CYP26C1: variants seen among roughly 807,000 people sequenced by gnomAD.
The protein encoded by CYP26C1 is cytochrome P450 family 26 subfamily C member 1.
CYP26C1 carries 41 observed loss-of-function variants against 39.1 expected under a neutral mutation model. The observed-to-expected ratio is 1.05, with a 90% confidence interval of 0.82 to 1.36. CYP26C1 has a LOEUF of 1.36. Among genes scored for constraint, CYP26C1 ranks in the 40% most tolerant of loss-of-function variants. The pLI is 0.00. For synonymous variants in CYP26C1, 362 were observed against 350.8 expected, an observed-to-expected ratio of 1.03 and a Z score of -0.36; for missense variants, 833 against 752.0, an observed-to-expected ratio of 1.11 and a Z score of -1.26.
rs761068228 is a variant in CYP26C1, at chr10:93,061,307, C to A, written c.44C>A (p.Ala15Glu). Residue 15 changes from alanine to glutamate, a missense_variant, in exon 1 of 6, where the codon GCG (alanine) becomes GAG (glutamate). Coordinates refer to ENST00000651965, the MANE Select transcript of CYP26C1 (RefSeq NM_183374.3). Reference sequence around the variant, plus strand: ...AGCTGCCTGTCAGTGCTGGGGGCGGCGGGCACTGCTCTCCTGTGCGCGGGC... The same window carrying A: ...AGCTGCCTGTCAGTGCTGGGGGCGGAGGGCACTGCTCTCCTGTGCGCGGGC... Reference protein sequence around the residue: ...GLSCLSVLGAAGTALLCAGLL... With the variant: ...GLSCLSVLGAEGTALLCAGLL... 2 of 1,596,012 alleles carry A rather than the reference C, an allele frequency of 1.3e-6. No individual in the cohort carries two copies. The highest frequency in any genetic ancestry group is 1.7e-6 in the Non-Finnish European group (2 of 1,172,584).
chr10:93,063,648 G>C, intron 3 of CYP26C1: 1 of 985,502 alleles, frequency 1.0e-6, no homozygotes, highest in Non-Finnish European at 1.2e-6. Flanking sequence ...AAAATAATAT[G>C]TGTAAAGGAT....
At chr10:93,064,647 G>A in intron 4 of CYP26C1, 111 bp downstream of exon 4, 1 of 1,500,686 alleles carries the variant, frequency 6.7e-7, no homozygotes, top group Non-Finnish European at 8.9e-7. Context: ...TTGAGGCACA[G>A]GCAGTCCTCA....
chr10:93,062,672 C>T, intron 2 of CYP26C1, 48 bp from the exon 3 acceptor site: 1 of 1,366,318 alleles, frequency 7.3e-7, no homozygotes. Flanking sequence ...AATCGCCAAG[C>T]AGATGAGGCC....
rs1846798249 is a variant in CYP26C1 at position 93,064,517 on chromosome 10, C to T, written c.842C>T (p.Pro281Leu). 1.9e-6 allele frequency: 3 copies of T among 1,612,728 alleles called. No homozygotes were observed. The highest frequency in any genetic ancestry group is 2.5e-6 in the Non-Finnish European group (3 of 1,179,028). The change falls in exon 4 of 6, where the codon CCC becomes CTC. Residue 281 changes from proline (P) to leucine (L), a missense_variant. Pro to Leu is a moderately conservative substitution (Grantham distance 98). Transcript: ENST00000651965. ...AGTGCAAGGGAGCTGGGCCATGAGC[C>T]CTCCATGCAGGAGCTGAAGGTAGGT... is the stretch of plus-strand genomic sequence containing the variant. ...IHSARELGHE[P>L]SMQELKESAV...
intron 3 of CYP26C1, chr10:93,063,710 C>G (rs940329310): frequency 2.2e-4 from 218 of 982,794 alleles, no homozygotes; most frequent in Non-Finnish European, 2.6e-4. Context: ...ATCCTCGCAG[C>G]CTGCAAAGTG....
intron 4 of CYP26C1, 33 bp from the exon 5 acceptor site, chr10:93,065,923 C>G (rs780687300): frequency 2.0e-6 from 3 of 1,513,982 alleles, no homozygotes; most frequent in Non-Finnish European, 2.6e-6. Context: ...CTCCACCGCC[C>G]GAGACTCAGT....
rs879940720 is a variant in CYP26C1, at chr10:93,068,601, C to A, written c.1473C>A (p.Ala491=). 6.2e-7 allele frequency: 1 copy of A among 1,600,028 alleles called. No homozygotes were observed. The highest frequency in any genetic ancestry group is 8.5e-7 in the Non-Finnish European group (1 of 1,174,148). ...RWELATPAFP[A]MQTVPIVHPV... ...AACTGGCCACACCCGCCTTCCCCGC[C>A]ATGCAGACGGTGCCCATCGTGCACC... The change falls in exon 6 of 6, where the codon GCC becomes GCA. Residue 491 remains alanine, a synonymous_variant. Transcript: ENST00000651965.
chr10:93,064,229 G>A (rs1846788257), intron 3 of CYP26C1, 152 bp from the exon 4 acceptor site: 2 of 1,432,524 alleles, frequency 1.4e-6, no homozygotes, highest in African/African-American at 1.4e-5. Flanking sequence ...CATTTACTGA[G>A]CCCAGCCATA....
At position 93,068,459 on chromosome 10, in the gene CYP26C1, C is replaced by T. The variant is rs758939065; in HGVS notation, c.1331C>T (p.Ser444Phe). ...GCGCGCGAAGATTCCCGGGGCGCCT[C>T]CAGCCGCTTCCATTACATCCCGTTC... ...GAAREDSRGA[S>F]SRFHYIPFGG... Residue 444 changes from serine to phenylalanine, a missense_variant, in exon 6 of 6, where the codon TCC (serine) becomes TTC (phenylalanine). Transcript: ENST00000651965. 25 of 1,611,598 alleles carry T rather than the reference C, an allele frequency of 1.6e-5. No homozygotes were observed. The highest frequency in any genetic ancestry group is 2.0e-5 in the Non-Finnish European group (24 of 1,179,448).
intron 4 of CYP26C1, 48 bp downstream of exon 4, chr10:93,064,584 A>C: frequency 6.3e-7 from 1 of 1,585,336 alleles, no homozygotes; most frequent in Non-Finnish European, 8.6e-7. Context: ...CATTCCCAGC[A>C]GGTCCCTACA....
At chr10:93,065,301 T>C (rs569127456) in intron 4 of CYP26C1, among the ~76,000 whole-genome samples, 40 of 152,336 alleles carry the variant, frequency 2.6e-4, no homozygotes, top group Admixed American at 5.9e-4. Context: ...TTTTCTGAGA[T>C]TGGAACTAAT....
intron 4 of CYP26C1, among the ~76,000 whole-genome samples, chr10:93,065,037 AT>A: frequency 6.6e-6 from 1 of 152,104 alleles, no homozygotes; most frequent in Middle Eastern, 3.4e-3. Flanking sequence ...GTTGCTGTGG[AT>A]CTCCTGGAGA....
In CYP26C1 at chr10:93,061,926, G is replaced by C. The variant is rs1348419171; in HGVS notation, c.205-84G>C. Reference sequence around the variant, plus strand: ...GCGCCAGCCAGGGACAGGAAGTTGTGATCAAAAGGCAGCTGGAAGGTCTGG... The same window carrying C: ...GCGCCAGCCAGGGACAGGAAGTTGTCATCAAAAGGCAGCTGGAAGGTCTGG... On this transcript the variant is annotated intron_variant, in intron 1 of 5. Transcript: ENST00000651965. 5 of 1,386,852 alleles carry C rather than the reference G, an allele frequency of 3.6e-6. No individual in the cohort carries two copies. In the East Asian group the frequency reaches 1.0e-4, roughly 28 times the overall value. The allele number at this position is 1,386,852 out of a possible 1,614,324, so 85.9% of individuals were successfully genotyped here. A position where few individuals can be genotyped will look rare whatever the true frequency, so the allele number is the denominator to read the frequency against.
At position 93,068,346 on chromosome 10, in the gene CYP26C1, C is replaced by T. The variant is rs757761810; in HGVS notation, c.1218C>T (p.Ser406=). 4 of 1,540,566 alleles carry T rather than the reference C, an allele frequency of 2.6e-6. No homozygotes were observed. Among genetic ancestry groups the T allele is most frequent in the Non-Finnish European group, 3.5e-6 (4 of 1,146,134 alleles). Residue 406 remains serine (S), a synonymous_variant, in exon 6 of 6, where the codon AGC becomes AGT. Coordinates refer to ENST00000651965, the MANE Select transcript of CYP26C1 (RefSeq NM_183374.3). The part of the protein sequence containing the change: ...LDGYQIPKGW[S]VMYSIRDTHE... ...GCTACCAGATCCCCAAGGGCTGGAGCGTGATGTATAGCATCCGGGACACGC... is the reference window on the plus strand; with the variant it reads ...GCTACCAGATCCCCAAGGGCTGGAGTGTGATGTATAGCATCCGGGACACGC...
rs748219668 is a variant in CYP26C1, at chr10:93,068,309, CCT to C, written c.1192-6_1192-5del. ...CCTCGTGGTCAGGCTGATCTCCTCG[CCT>C]CTCTGCAGGGCTACCAGATCCCCAA... On this transcript the variant is annotated splice_polypyrimidine_tract_variant and intron_variant, in intron 5 of 5. Transcript: ENST00000651965. 29 of 1,498,668 alleles carry C rather than the reference CCT, an allele frequency of 1.9e-5. No individual in the cohort carries two copies. The highest frequency in any genetic ancestry group is 2.5e-5 in the Non-Finnish European group (28 of 1,124,612). The allele number at this position is 1,498,668 out of a possible 1,614,324, so 92.8% of individuals were successfully genotyped here. A position where few individuals can be genotyped will look rare whatever the true frequency, so the allele number is the denominator to read the frequency against.
intron 2 of CYP26C1, 111 bp from the exon 3 acceptor site, chr10:93,062,608 TG>T: frequency 3.0e-6 from 3 of 1,013,776 alleles, no homozygotes; most frequent in Non-Finnish European, 4.1e-6. Flanking sequence ...AGTTTAGGTC[TG>T]GGCCGCTTGG....
chr10:93,061,579 G>A, intron 1 of CYP26C1, 112 bp downstream of exon 1: 6 of 1,341,534 alleles, frequency 4.5e-6, no homozygotes, highest in Non-Finnish European at 5.1e-6. Flanking sequence ...CCTGCCCATC[G>A]CCCACGACCC....
In CYP26C1 at chr10:93,061,251, CCG is replaced by C; in HGVS notation, c.-10_-9del. The C allele has an allele frequency of 6.4e-7, 1 of 1,556,574 alleles. No homozygotes were observed. Among genetic ancestry groups the C allele is most frequent in the Non-Finnish European group, 8.7e-7 (1 of 1,153,146 alleles). ...CCCTGCGCTCTGAGCGGCCTGGCCCCCGCGGGCTCATCATGTTCCCTTGGGGG... is the reference window on the plus strand; with the variant it reads ...CCCTGCGCTCTGAGCGGCCTGGCCCCCGGGCTCATCATGTTCCCTTGGGGG... On this transcript the variant is annotated 5_prime_UTR_variant, in exon 1 of 6. Coordinates refer to ENST00000651965, the MANE Select transcript of CYP26C1 (RefSeq NM_183374.3).
In CYP26C1 at chr10:93,060,816, G is replaced by T; in HGVS notation, c.-448G>T. Reference sequence around the variant, plus strand: ...GCCAAGAAGGGTTAAACGACTGGAGGAGGGACAGGTGGGGCGGGGGTCTGC... The same window carrying T: ...GCCAAGAAGGGTTAAACGACTGGAGTAGGGACAGGTGGGGCGGGGGTCTGC... On this transcript the variant is annotated 5_prime_UTR_variant, in exon 1 of 6. Coordinates refer to ENST00000651965, the MANE Select transcript of CYP26C1 (RefSeq NM_183374.3). 2.5e-5 allele frequency: 5 copies of T among 199,388 alleles called. No individual in the cohort carries two copies. Among genetic ancestry groups the T allele is most frequent in the Non-Finnish European group, 4.0e-5 (4 of 99,304 alleles). The allele number at this position is 199,388 out of a possible 1,614,324, so 12.4% of individuals were successfully genotyped here.
Sources: gnomAD v4.1 joint callset for allele counts (sites outside exome capture counted in the v4.1 genomes callset) on GRCh38, gnomAD v4.1.1 for gene constraint, MANE v1.5 for transcripts, NCBI Gene and HGNC (gene_info 2026-07-23, HGNC 2026-07-21) for gene names.